The following IMPG2 variants were observed in gnomAD, a reference collection of about 807,000 sequenced individuals.
IMPG2 encodes interphotoreceptor matrix proteoglycan 2, also known as IPM 200.
A neutral mutation model predicts 129.2 loss-of-function variants in IMPG2; 91 were observed. That is an observed-to-expected ratio of 0.70 (90% CI 0.59 to 0.84). The LOEUF is 0.84. Among genes scored for constraint, IMPG2 ranks in the 40% least tolerant of loss-of-function variants. The pLI is 0.00. For synonymous variants in IMPG2, 510 were observed against 517.7 expected, an observed-to-expected ratio of 0.99 and a Z score of 0.20; for missense variants, 1,430 against 1,461.7, an observed-to-expected ratio of 0.98 and a Z score of 0.35.
At chr3:101,230,489 T>C (rs531436977) in intron 16 of IMPG2, among the ~76,000 whole-genome samples, 1 of 152,352 alleles carries the variant, frequency 6.6e-6, no homozygotes, top group South Asian at 2.1e-4. Flanking sequence ...TCACCTCTTC[T>C]ATCTCATCTC....
intron 11 of IMPG2, among the ~76,000 whole-genome samples, chr3:101,248,189 C>G (rs554858377): frequency 6.6e-6 from 1 of 152,126 alleles, no homozygotes; most frequent in Non-Finnish European, 1.5e-5. Flanking sequence ...TGGGAGGGAC[C>G]TGGTGGGAGG....
intron 1 of IMPG2, among the ~76,000 whole-genome samples, 192 bp from the exon 2 acceptor site, chr3:101,320,024 A>C (rs1228403063): frequency 6.6e-6 from 1 of 152,150 alleles, no homozygotes; most frequent in Non-Finnish European, 1.5e-5. Flanking sequence ...CACTCCTTTC[A>C]TTCAAGATTG....
chr3:101,253,861 G>A, intron 10 of IMPG2, 80 bp from the exon 11 acceptor site: 4 of 943,530 alleles, frequency 4.2e-6, no homozygotes, highest in Non-Finnish European at 6.7e-6. Context: ...TGAAAGTCAA[G>A]TTCTTTCTCT....
intron 9 of IMPG2, among the ~76,000 whole-genome samples, chr3:101,259,414 T>C (rs1411090220): frequency 1.3e-5 from 2 of 152,110 alleles, no homozygotes; most frequent in African/African-American, 4.8e-5. Flanking sequence ...CTTCTTCCTC[T>C]GAACTTATAT....
At chr3:101,265,031 G>A (rs1706707962) in intron 9 of IMPG2, among the ~76,000 whole-genome samples, 1 of 151,940 alleles carries the variant, frequency 6.6e-6, no homozygotes, top group African/African-American at 2.4e-5. Context: ...AAACACTGAT[G>A]AAAGAAATTG....
intron 4 of IMPG2, among the ~76,000 whole-genome samples, chr3:101,279,044 A>G (rs1458803953): frequency 6.6e-6 from 1 of 152,162 alleles, no homozygotes; most frequent in Non-Finnish European, 1.5e-5. Context: ...ACATGGCAGT[A>G]CTCCTTCCCA....
At chr3:101,248,421 C>T (rs1006504293) in intron 11 of IMPG2, among the ~76,000 whole-genome samples, 10 of 152,186 alleles carry the variant, frequency 6.6e-5, no homozygotes, top group African/African-American at 2.4e-4. Flanking sequence ...GTAAATTGCC[C>T]AGTCTCAGGT....
In IMPG2 at chr3:101,223,369, G is replaced by T. The variant is rs1706185766; in HGVS notation, c.*3600C>A. 6.6e-6 allele frequency: 1 copy of T among 152,050 alleles called. No individual in the cohort carries two copies. The highest frequency in any genetic ancestry group is 2.1e-4 in the South Asian group (1 of 4,826). The allele number at this position is 152,050 out of a possible 1,614,324, so 9.4% of individuals were successfully genotyped here. On this transcript the variant is annotated 3_prime_UTR_variant, in exon 19 of 19. Coordinates refer to ENST00000193391, the MANE Select transcript of IMPG2 (RefSeq NM_016247.4). ...CAACCCGTTTGGGGTTTGTGTTTTTGTTTTTTTGCTAAAACATCTCAATTT... is the reference window on the plus strand; with the variant it reads ...CAACCCGTTTGGGGTTTGTGTTTTTTTTTTTTTGCTAAAACATCTCAATTT...
At chr3:101,319,954 C>T in intron 1 of IMPG2, 122 bp from the exon 2 acceptor site, 1 of 999,656 alleles carries the variant, frequency 1.0e-6, no homozygotes, top group Non-Finnish European at 1.5e-6. Context: ...AAATCATAGG[C>T]AGGCATGCAT....
intron 14 of IMPG2, among the ~76,000 whole-genome samples, chr3:101,239,313 C>T (rs1441958634): frequency 1.3e-5 from 2 of 152,140 alleles, no homozygotes; most frequent in East Asian, 3.8e-4. Flanking sequence ...AACATTTATG[C>T]AGCTAACAAA....
rs1255522341 is a variant in IMPG2, at chr3:101,225,978, A to G, written c.*991T>C. On this transcript the variant is annotated 3_prime_UTR_variant, in exon 19 of 19. Coordinates refer to ENST00000193391, the MANE Select transcript of IMPG2 (RefSeq NM_016247.4). ...GGAGGTATTACACAAAGGAGAAGCA[A>G]TGAAAATGAGCTCATCTATATTATG... 6.5e-6 allele frequency: 1 copy of G among 154,600 alleles called. No individual in the cohort carries two copies. Among genetic ancestry groups the G allele is most frequent in the Non-Finnish European group, 1.5e-5 (1 of 68,192 alleles). The allele number at this position is 154,600 out of a possible 1,614,324, so 9.6% of individuals were successfully genotyped here.
rs1706277462 is a variant in IMPG2 at position 101,230,854 on chromosome 3, C to T, written c.3422+103G>A. 3.0e-6 allele frequency: 3 copies of T among 1,006,524 alleles called. No individual in the cohort carries two copies. The Admixed American group carries it at 5.5e-5, about 19-fold the overall frequency. 62.3% of individuals were successfully genotyped at this position (1,006,524 alleles called of 1,614,324 possible). On this transcript the variant is annotated intron_variant, in intron 16 of 18. Coordinates refer to ENST00000193391, the MANE Select transcript of IMPG2 (RefSeq NM_016247.4). ...GTTTATTCAAATTCATAGCTCTCTT[C>T]CACCCAGCCAGCTCCTTGTCCAATA...
At chr3:101,268,465 G>T (rs1706744625) in intron 8 of IMPG2, among the ~76,000 whole-genome samples, 1 of 152,098 alleles carries the variant, frequency 6.6e-6, no homozygotes, top group Non-Finnish European at 1.5e-5. Context: ...CAAATATTTG[G>T]CCTCTTTCCA....
chr3:101,267,811 A>G (rs184851381), intron 8 of IMPG2, among the ~76,000 whole-genome samples: 3 of 152,106 alleles, frequency 2.0e-5, no homozygotes, highest in Admixed American at 2.0e-4. Flanking sequence ...TTTTCAGTAA[A>G]TCAGCAGAGG....
At chr3:101,316,377 T>C (rs771296161) in intron 2 of IMPG2, among the ~76,000 whole-genome samples, 3 of 151,946 alleles carry the variant, frequency 2.0e-5, no homozygotes, top group South Asian at 4.1e-4. Context: ...AGAACTTAAA[T>C]TTAGAACACA....
chr3:101,302,049 AC>A (rs954677956), intron 3 of IMPG2, among the ~76,000 whole-genome samples: 83 of 152,272 alleles, frequency 5.5e-4, no homozygotes, highest in African/African-American at 1.9e-3. Context: ...GTCATTCCCT[AC>A]AAACACTTGG....
intron 9 of IMPG2, among the ~76,000 whole-genome samples, chr3:101,260,119 G>A (rs764143056): frequency 1.3e-5 from 2 of 152,078 alleles, no homozygotes; most frequent in Non-Finnish European, 2.9e-5. Context: ...TGGACTGCAG[G>A]GAAAGCCATA....
At chr3:101,228,978 G>A (rs1706252597) in intron 17 of IMPG2, 102 bp from the exon 18 acceptor site, 1 of 875,780 alleles carries the variant, frequency 1.1e-6, no homozygotes, top group Non-Finnish European at 1.9e-6. Context: ...TACATTCTGG[G>A]CTATTCAGAA....
intron 9 of IMPG2, among the ~76,000 whole-genome samples, chr3:101,267,096 G>C (rs1269681125): frequency 3.3e-5 from 5 of 152,028 alleles, no homozygotes; most frequent in African/African-American, 4.8e-5. Context: ...TAAACAGCCT[G>C]TGAGCTAAAT....
Sources: allele counts gnomAD v4.1 joint callset (sites outside exome capture counted in the v4.1 genomes callset), GRCh38; gene constraint gnomAD v4.1.1; transcripts MANE v1.5; gene names NCBI Gene and HGNC (gene_info 2026-07-23, HGNC 2026-07-21).